TNIP3: variants seen among roughly 807,000 people sequenced by gnomAD.
TNIP3 encodes the protein TNFAIP3-interacting protein 3.
Under a neutral mutation model 54.1 loss-of-function variants are expected in TNIP3, and 34 were observed. The observed-to-expected ratio is 0.63, with a 90% CI of 0.48 to 0.84. The LOEUF is 0.84. Among genes scored for constraint, TNIP3 ranks in the 40% least tolerant of loss-of-function variants. TNIP3 has a pLI of 0.00. For missense variants in TNIP3, 366 were observed against 387.6 expected, an observed-to-expected ratio of 0.94 and a Z score of 0.47; for synonymous variants, 134 against 136.8, an observed-to-expected ratio of 0.98 and a Z score of 0.14.
At chr4:121,172,681 AT>A in intron 3 of TNIP3, among the ~76,000 whole-genome samples, 1 of 152,298 alleles carries the variant, frequency 6.6e-6, no homozygotes, top group African/African-American at 2.4e-5. Flanking sequence ...TGGCAACTCT[AT>A]TTCACCCAGA....
intron 2 of TNIP3, among the ~76,000 whole-genome samples, chr4:121,182,998 T>C (rs1724803017): frequency 6.6e-6 from 1 of 152,174 alleles, no homozygotes; most frequent in African/African-American, 2.4e-5. Flanking sequence ...AATTTTCACT[T>C]ACAAAGGAAG....
rs75249037 is a variant in TNIP3, at chr4:121,173,509, GT to G, written c.189+9166del. On this transcript the variant is annotated intron_variant, in intron 3 of 12. Transcript: ENST00000507879. ...TTTTAAAACTGTAATCTGTGTTTGA[GT>G]TTTTTTTTAAAAATTATTTTCTCTG... Among the ~76,000 whole-genome samples the G allele has an allele frequency of 1.2e-3, 176 of 151,922 alleles. 1 individual carries two copies. The highest frequency in any genetic ancestry group is 3.8e-3 in the African/African-American group (157 of 41,448).
At chr4:121,132,994 G>T (rs1309329492) in intron 10 of TNIP3, among the ~76,000 whole-genome samples, 1 of 152,068 alleles carries the variant, frequency 6.6e-6, no homozygotes, top group Non-Finnish European at 1.5e-5. Context: ...ACTTAGGTTA[G>T]GTTCAGTACT....
intron 4 of TNIP3, among the ~76,000 whole-genome samples, chr4:121,156,611 A>G (rs575991098): frequency 6.6e-6 from 1 of 152,216 alleles, no homozygotes; most frequent in Non-Finnish European, 1.5e-5. Context: ...CGAAGGCTTT[A>G]AAAAATGTCA....
In TNIP3 at chr4:121,150,091, C is replaced by T; in HGVS notation, c.609+12G>A. Reference sequence around the variant, plus strand: ...TGTTCTCCACAGGATCATGCCACTTCCAGCTTCTCACCTGCTGCTTCAGAA... The same window carrying T: ...TGTTCTCCACAGGATCATGCCACTTTCAGCTTCTCACCTGCTGCTTCAGAA... On this transcript the variant is annotated intron_variant, in intron 6 of 10. Transcript: ENST00000057513. The T allele has an allele frequency of 6.3e-7, 1 of 1,585,614 alleles. No individual in the cohort carries two copies. Among genetic ancestry groups the T allele is most frequent in the Non-Finnish European group, 8.7e-7 (1 of 1,155,170 alleles).
intron 3 of TNIP3, among the ~76,000 whole-genome samples, chr4:121,157,758 AATCTTAGAGATGGATGC>A (rs1730204128): frequency 6.6e-6 from 1 of 152,216 alleles, no homozygotes; most frequent in Non-Finnish European, 1.5e-5. Flanking sequence ...CCAGAGGGAG[AATCTTAGAGATGGATGC>A]ATCTTCCAAG....
intron 3 of TNIP3, among the ~76,000 whole-genome samples, chr4:121,176,892 C>A (rs1724392336): frequency 6.6e-6 from 1 of 152,134 alleles, no homozygotes; most frequent in Non-Finnish European, 1.5e-5. Flanking sequence ...TTGTCCCCAG[C>A]CACTGGGAGT....
intron 1 of TNIP3, among the ~76,000 whole-genome samples, chr4:121,225,324 C>A (rs1727211148): frequency 6.6e-6 from 1 of 152,132 alleles, no homozygotes; most frequent in Non-Finnish European, 1.5e-5. Flanking sequence ...CATATGATGT[C>A]TTTGTTTCAA....
intron 9 of TNIP3, among the ~76,000 whole-genome samples, chr4:121,141,459 G>A (rs1454434908): frequency 5.9e-5 from 9 of 152,100 alleles, no homozygotes; most frequent in African/African-American, 1.7e-4. Flanking sequence ...CCGAACAAAA[G>A]CATCTCATTT....
intron 7 of TNIP3, among the ~76,000 whole-genome samples, chr4:121,143,832 AAC>A (rs1579378014): frequency 6.6e-6 from 1 of 152,184 alleles, no homozygotes; most frequent in South Asian, 2.1e-4. Flanking sequence ...AAGCTTCTCT[AAC>A]ACACTTTTTC....
chr4:121,174,623 A>G (rs181023211), intron 3 of TNIP3, among the ~76,000 whole-genome samples: 1 of 152,226 alleles, frequency 6.6e-6, no homozygotes, highest in Non-Finnish European at 1.5e-5. Context: ...GTCGGTTTTA[A>G]TGACAAACGT....
At chr4:121,138,055 A>G (rs538551979) in intron 10 of TNIP3, 40 of 447,688 alleles carry the variant, frequency 8.9e-5, no homozygotes, top group African/African-American at 7.9e-4. Context: ...ATAAAAAATA[A>G]GATTTAAAAA....
chr4:121,133,078 T>C (rs1263032460), intron 10 of TNIP3, among the ~76,000 whole-genome samples: 1 of 152,210 alleles, frequency 6.6e-6, no homozygotes, highest in Admixed American at 6.5e-5. Flanking sequence ...GCCAAAGCTA[T>C]GGAAAATATC....
chr4:121,222,804 G>GTTTTTTTTTTT (rs138758827), intron 1 of TNIP3, among the ~76,000 whole-genome samples: 4 of 105,766 alleles, frequency 3.8e-5, no homozygotes, highest in African/African-American at 1.5e-4. Flanking sequence ...TTTTTTGTGC[G>GTTTTTTTTTTT]TTTTTTTTTT....
Position 121,161,210 on chromosome 4 carries a change from C to A in TNIP3, c.73G>T (p.Glu25Ter). The A allele has an allele frequency of 6.4e-7, 1 of 1,571,990 alleles. No individual in the cohort carries two copies. Among genetic ancestry groups the A allele is most frequent in the African/African-American group, 1.4e-5 (1 of 73,248 alleles). ...ESSTEHKECA[E>*]PSTRKNLMNS... ...ATCAAGTTCTTTCTTGTTGATGGTT[C>A]AGCACACTTAGAAAAAAAAAAAGAG... Residue 25 changes from glutamate (E) to a stop codon, truncating the protein, a stop_gained, in exon 2 of 11, where the codon GAA becomes TAA. Transcript: ENST00000057513. LOFTEE classifies it high-confidence loss of function.
At position 121,139,720 on chromosome 4, in the gene TNIP3, A is replaced by T. The variant is rs191073553; in HGVS notation, c.886-1036T>A. On this transcript the variant is annotated intron_variant, in intron 9 of 10. Coordinates refer to ENST00000057513, the MANE Select transcript of TNIP3 (RefSeq NM_024873.6). ...ACCCCACTGTACCCCTACTCTAGAC[A>T]CCTAGGCCCTTGGCTCCTCTGGCTT... Among the ~76,000 whole-genome samples, 33 of 152,190 alleles carry T rather than the reference A, an allele frequency of 2.2e-4. No individual in the cohort carries two copies. The East Asian group carries it at 6.2e-3, about 29-fold the overall frequency.
intron 2 of TNIP3, 62 bp from the exon 3 acceptor site, chr4:121,158,814 A>G: frequency 7.5e-7 from 1 of 1,328,762 alleles, no homozygotes; most frequent in Non-Finnish European, 1.1e-6. Context: ...AGTTTGGTCA[A>G]AAAGAAATTA....
At chr4:121,206,534 T>G (rs1181025471) in intron 2 of TNIP3, among the ~76,000 whole-genome samples, 15 of 107,550 alleles carry the variant, frequency 1.4e-4, no homozygotes, top group Admixed American at 8.4e-4. Flanking sequence ...TACATTTGTA[T>G]ATATTGTGTG....
chr4:121,149,231 G>A lies in TNIP3; in HGVS notation c.609+872C>T, dbSNP rs17051296. On this transcript the variant is annotated intron_variant, in intron 6 of 10. Coordinates refer to ENST00000057513, the MANE Select transcript of TNIP3 (RefSeq NM_024873.6). The stretch of plus-strand genomic sequence containing the variant: ...TACTCTTGCTGTCCACTTGGCAATA[G>A]CGCGTGAGGTTAGGTGAGTGGGGAG... Among the ~76,000 whole-genome samples, 891 of 152,330 alleles carry A rather than the reference G, an allele frequency of 5.8e-3. 13 individuals carry two copies. Among genetic ancestry groups the A allele is most frequent in the African/African-American group, 0.021 (853 of 41,572 alleles).
Sources: allele counts gnomAD v4.1 joint callset (sites outside exome capture counted in the v4.1 genomes callset), GRCh38; gene constraint gnomAD v4.1.1; transcripts MANE v1.5; gene names NCBI Gene and HGNC (gene_info 2026-07-23, HGNC 2026-07-21).